Variants in WDPCP observed in about 807,000 individuals in gnomAD.
WDPCP encodes WD repeat-containing and planar cell polarity effector protein fritz homolog.
Under a neutral mutation model 93.1 loss-of-function variants are expected in WDPCP, and 71 were observed. The observed-to-expected ratio is 0.76, with a 90% confidence interval of 0.63 to 0.93. The LOEUF is 0.93. Among genes scored for constraint, WDPCP ranks in the 40% least tolerant of loss-of-function variants. WDPCP has a pLI of 0.00. For synonymous variants in WDPCP, 315 were observed against 315.0 expected, an observed-to-expected ratio of 1.00 and a Z score of 0.00; for missense variants, 844 against 887.4, an observed-to-expected ratio of 0.95 and a Z score of 0.62.
At chr2:63,509,861 C>A (rs1702116550) in intron 1 of WDPCP, among the ~76,000 whole-genome samples, 2 of 152,104 alleles carry the variant, frequency 1.3e-5, no homozygotes, top group South Asian at 2.1e-4. Flanking sequence ...GACACATATA[C>A]CCTCCCAAGA....
chr2:63,377,262 G>GAAA (rs1691921421), intron 12 of WDPCP, among the ~76,000 whole-genome samples: 1 of 151,532 alleles, frequency 6.6e-6, no homozygotes, highest in African/African-American at 2.4e-5. Flanking sequence ...AAAAAAATAA[G>GAAA]AGAATATACA....
chr2:63,527,756 A>C (rs559429462), intron 1 of WDPCP, among the ~76,000 whole-genome samples: 107 of 152,202 alleles, frequency 7.0e-4, no homozygotes, highest in Non-Finnish European at 3.7e-4. Flanking sequence ...GGCTGGGTCA[A>C]ATGGTATTTC....
chr2:63,831,237 T>C (rs1671188389), upstream of WDPCP, among the ~76,000 whole-genome samples: 1 of 152,242 alleles, frequency 6.6e-6, no homozygotes, highest in African/African-American at 2.4e-5. Context: ...TTAGATTGCT[T>C]TCCACTGCAT....
intron 3 of WDPCP, among the ~76,000 whole-genome samples, chr2:63,649,339 A>G (rs747102406): frequency 5.3e-5 from 8 of 152,206 alleles, no homozygotes; most frequent in African/African-American, 1.2e-4. Context: ...TTCACTTAGC[A>G]TGTTTCCAAG....
At chr2:63,533,064 T>A (rs1204564650) in intron 1 of WDPCP, among the ~76,000 whole-genome samples, 1 of 152,104 alleles carries the variant, frequency 6.6e-6, no homozygotes. Context: ...GCAATCCTAG[T>A]CTCTGATAAA....
At chr2:63,171,131 C>G (rs1433547808) in intron 15 of WDPCP, among the ~76,000 whole-genome samples, 1 of 151,954 alleles carries the variant, frequency 6.6e-6, no homozygotes, top group East Asian at 1.9e-4. Flanking sequence ...GAGAAAATAT[C>G]CACATTTTCA....
At chr2:63,692,807 A>G (rs879728397) in intron 2 of WDPCP, among the ~76,000 whole-genome samples, 2 of 152,190 alleles carry the variant, frequency 1.3e-5, no homozygotes, top group African/African-American at 2.4e-5. Flanking sequence ...ATTCTTATGT[A>G]TTATGTACTA....
At chr2:63,239,805 A>C (rs1438388236) in intron 14 of WDPCP, among the ~76,000 whole-genome samples, 1 of 152,128 alleles carries the variant, frequency 6.6e-6, no homozygotes, top group African/African-American at 2.4e-5. Context: ...ACGTCTTTTA[A>C]AGGCAGTATC....
chr2:63,622,029 C>G, intron 3 of WDPCP: 2 of 470,696 alleles, frequency 4.2e-6, no homozygotes, highest in Non-Finnish European at 7.0e-6. Flanking sequence ...CCTCCCCCCT[C>G]CCCACTCCCC....
chr2:63,394,381 A>G (rs1693538910), intron 10 of WDPCP, among the ~76,000 whole-genome samples: 1 of 152,118 alleles, frequency 6.6e-6, no homozygotes, highest in Non-Finnish European at 1.5e-5. Context: ...TAAGCTAAAA[A>G]AAAAAACAGA....
chr2:63,615,093 T>A (rs574704839), intron 3 of WDPCP, among the ~76,000 whole-genome samples: 1 of 152,296 alleles, frequency 6.6e-6, no homozygotes, highest in African/African-American at 2.4e-5. Context: ...TCGGCAGAAC[T>A]TCCCTTCTAA....
At chr2:63,781,048 T>G (rs1670384811) in intron 2 of WDPCP, among the ~76,000 whole-genome samples, 1 of 152,106 alleles carries the variant, frequency 6.6e-6, no homozygotes. Context: ...AAGAACCAGG[T>G]CTGTTACAGA....
At chr2:63,399,790 G>T (rs1694004467) in intron 10 of WDPCP, among the ~76,000 whole-genome samples, 1 of 152,010 alleles carries the variant, frequency 6.6e-6, no homozygotes, top group Non-Finnish European at 1.5e-5. Context: ...CGTAATAAAT[G>T]AGACTCCAAA....
At chr2:63,140,356 G>A (rs1389547106) in intron 17 of WDPCP, among the ~76,000 whole-genome samples, 4 of 152,038 alleles carry the variant, frequency 2.6e-5, no homozygotes, top group African/African-American at 9.7e-5. Flanking sequence ...AAGAATGATG[G>A]TGGTATTTTG....
At chr2:63,369,508 A>G in intron 12 of WDPCP, 1 of 456,632 alleles carries the variant, frequency 2.2e-6, no homozygotes, top group Non-Finnish European at 4.4e-6. Flanking sequence ...GCAAAAGAAA[A>G]TGAGAGTAAT....
intron 3 of WDPCP, among the ~76,000 whole-genome samples, chr2:63,601,937 T>G (rs1356942375): frequency 6.6e-6 from 1 of 152,234 alleles, no homozygotes; most frequent in Non-Finnish European, 1.5e-5. Flanking sequence ...CAGTTCTTTC[T>G]GGTCATGGCA....
Position 63,546,127 on chromosome 2 carries a change from C to T in WDPCP, c.75+42070G>A, listed in dbSNP as rs535414682. 7.2e-5 allele frequency among the ~76,000 whole-genome samples: 11 copies of T among 152,230 alleles called. 1 individual carries two copies. In the East Asian group the frequency reaches 7.7e-4, roughly 11 times the overall value. On this transcript the variant is annotated intron_variant, in intron 1 of 17. Transcript: ENST00000272321. ...CACTGAAGCAGAAAAATGAGAGCCACGCTTGGGAGGGCCTTAGCCTGTAAT... is the reference window on the plus strand; with the variant it reads ...CACTGAAGCAGAAAAATGAGAGCCATGCTTGGGAGGGCCTTAGCCTGTAAT...
At chr2:63,412,986 T>C (rs1329129562) in intron 9 of WDPCP, among the ~76,000 whole-genome samples, 2 of 152,118 alleles carry the variant, frequency 1.3e-5, no homozygotes, top group Non-Finnish European at 2.9e-5. Context: ...CCCATCAAAA[T>C]ACCACCATCA....
At chr2:63,586,114 G>A (rs1184981524) in intron 1 of WDPCP, among the ~76,000 whole-genome samples, 8 of 152,176 alleles carry the variant, frequency 5.3e-5, no homozygotes. Context: ...ACAAGTGTGA[G>A]CCACCACGCC....
Sources: allele counts gnomAD v4.1 joint callset (sites outside exome capture counted in the v4.1 genomes callset), GRCh38; gene constraint gnomAD v4.1.1; transcripts MANE v1.5; gene names NCBI Gene and HGNC (gene_info 2026-07-23, HGNC 2026-07-21).